Variants in EFHD1 observed in about 807,000 individuals in gnomAD.
The protein encoded by EFHD1 is EF-hand domain-containing protein D1.
In EFHD1, 10 loss-of-function variants were observed where a neutral mutation model predicts 17.2. That is an observed-to-expected ratio of 0.58 (90% CI 0.36 to 0.99). The LOEUF is 0.99. Ranked by LOEUF, EFHD1 falls within the 50% of genes least tolerant of loss-of-function variation. EFHD1 has a pLI of 0.01. For missense variants in EFHD1, 310 were observed against 327.5 expected (o/e 0.95, Z 0.41); for synonymous variants, 153 against 142.0 (o/e 1.08, Z -0.55).
intron 3 of EFHD1, among the ~76,000 whole-genome samples, chr2:232,675,246 G>GAAAGAAAAGAAAAGAAAAGA (rs71056291): frequency 6.7e-6 from 1 of 149,284 alleles, no homozygotes; most frequent in African/African-American, 2.5e-5. Context: ...AGAAAGAAAA[G>GAAAGAAAAGAAAAGAAAAGA]AAAGAAAAGA....
chr2:232,671,458 G>A (rs891447104), intron 2 of EFHD1, among the ~76,000 whole-genome samples: 2 of 151,846 alleles, frequency 1.3e-5, no homozygotes, highest in Non-Finnish European at 2.9e-5. Context: ...GGGTGCAGTG[G>A]CTCACACCTG....
At chr2:232,640,014 A>G (rs1269545399) in intron 1 of EFHD1, among the ~76,000 whole-genome samples, 1 of 152,070 alleles carries the variant, frequency 6.6e-6, no homozygotes, top group Non-Finnish European at 1.5e-5. Context: ...ACACCCCTCT[A>G]TAGCCTCCTC....
At chr2:232,631,264 CTCTCTCTCTCTCTCTCTTTCTT>C (rs1396780576), upstream of EFHD1, among the ~76,000 whole-genome samples, 3 of 149,808 alleles carry the variant, frequency 2.0e-5, no homozygotes, top group African/African-American at 7.3e-5. Context: ...TGCAAAGTTT[CTCTCTCTCTCTCTCTCTTTCTT>C]TCTCTCTCTC....
At chr2:232,628,118 T>G (rs1407836161) in intron 1 of EFHD1, among the ~76,000 whole-genome samples, 2 of 152,340 alleles carry the variant, frequency 1.3e-5, no homozygotes, top group East Asian at 3.9e-4. Flanking sequence ...TGGAGTACAG[T>G]GACGTGATCT....
chr2:232,619,188 T>TAAATAAAC (rs1393230937), intron 1 of EFHD1, among the ~76,000 whole-genome samples: 14 of 97,908 alleles, frequency 1.4e-4, no homozygotes, highest in South Asian at 5.4e-4. Context: ...AATAAATAAA[T>TAAATAAAC]AAACAAACAA....
intron 1 of EFHD1, among the ~76,000 whole-genome samples, chr2:232,651,771 G>T (rs1249864858): frequency 1.3e-5 from 2 of 152,200 alleles, no homozygotes; most frequent in African/African-American, 4.8e-5. Flanking sequence ...GTAGTGAGCC[G>T]AGATTGCGCC....
intron 1 of EFHD1, among the ~76,000 whole-genome samples, chr2:232,640,178 GCCAA>G (rs1191420090): frequency 6.6e-6 from 1 of 152,190 alleles, no homozygotes; most frequent in East Asian, 1.9e-4. Flanking sequence ...TCAATGACCT[GCCAA>G]GACATGGCCT....
intron 1 of EFHD1, among the ~76,000 whole-genome samples, chr2:232,613,256 T>C (rs2106182086): frequency 6.6e-6 from 1 of 151,828 alleles, no homozygotes; most frequent in Non-Finnish European, 1.5e-5. Context: ...AAATCCTGTC[T>C]CTACTAAAAA....
At chr2:232,651,102 GC>G (rs1219285429) in intron 1 of EFHD1, among the ~76,000 whole-genome samples, 1 of 152,110 alleles carries the variant, frequency 6.6e-6, no homozygotes, top group Non-Finnish European at 1.5e-5. Flanking sequence ...GAGAAAGCAG[GC>G]CCCGGTCAGT....
intron 1 of EFHD1, among the ~76,000 whole-genome samples, chr2:232,659,177 T>C (rs1457121025): frequency 6.6e-6 from 1 of 152,064 alleles, no homozygotes; most frequent in Non-Finnish European, 1.5e-5. Flanking sequence ...CACCCAGCGA[T>C]CTTGTCTGTG....
At chr2:232,647,811 A>G (rs967875344) in intron 1 of EFHD1, among the ~76,000 whole-genome samples, 1 of 151,858 alleles carries the variant, frequency 6.6e-6, no homozygotes, top group East Asian at 1.9e-4. Flanking sequence ...TAATTTTTGT[A>G]TTTTTAGTAG....
intron 1 of EFHD1, among the ~76,000 whole-genome samples, chr2:232,655,802 CTTTTTTTTTTT>C (rs66762860): frequency 0.48 from 63,830 of 133,552 alleles, 15,018 homozygotes; most frequent in South Asian, 0.59. Flanking sequence ...TGTGTGGGGT[CTTTTTTTTTTT>C]TTTTTTTTTT....
intron 2 of EFHD1, among the ~76,000 whole-genome samples, chr2:232,669,544 A>G (rs1481552713): frequency 6.6e-6 from 1 of 151,480 alleles, no homozygotes; most frequent in African/African-American, 2.4e-5. Context: ...GAAGGCCTGT[A>G]GAAGTTGCTT....
chr2:232,635,340 G>C (rs1344591190), intron 1 of EFHD1, among the ~76,000 whole-genome samples: 7 of 152,004 alleles, frequency 4.6e-5, no homozygotes, highest in Admixed American at 4.6e-4. Context: ...TCTTGGGGAG[G>C]GACCTTTATC....
chr2:232,663,802 A>G (rs1000238959), intron 2 of EFHD1, among the ~76,000 whole-genome samples: 13 of 151,706 alleles, frequency 8.6e-5, no homozygotes, highest in Admixed American at 6.6e-4. Flanking sequence ...GAAATATACA[A>G]TAATGCGTCT....
In EFHD1 at chr2:232,649,866, A is replaced by G. The variant is rs549699267; in HGVS notation, c.303-12936A>G. The G allele has an allele frequency of 5.9e-5, 9 of 152,290 alleles. No homozygotes were observed. The South Asian group carries it at 1.5e-3, about 25-fold the overall frequency. The allele number at this position is 152,290 out of a possible 1,614,324, so 9.4% of individuals were successfully genotyped here. On this transcript the variant is annotated intron_variant, in intron 1 of 3. Coordinates refer to ENST00000264059, the MANE Select transcript of EFHD1 (RefSeq NM_025202.4). ...TGAAAGGGACTGAGCGTGGTGATAC[A>G]TGCCTGGAGTTCCAGCCACTTAGGA...
intron 2 of EFHD1, among the ~76,000 whole-genome samples, chr2:232,666,272 G>A (rs779600551): frequency 2.0e-5 from 3 of 152,248 alleles, no homozygotes; most frequent in Non-Finnish European, 4.4e-5. Context: ...TTTGCTGGAT[G>A]TGGGCTGTGG....
chr2:232,662,211 C>G (rs977181954), intron 1 of EFHD1, among the ~76,000 whole-genome samples: 1 of 152,070 alleles, frequency 6.6e-6, no homozygotes, highest in Non-Finnish European at 1.5e-5. Context: ...AGTCAGAGCC[C>G]TCTTGGTAGA....
intron 1 of EFHD1, among the ~76,000 whole-genome samples, chr2:232,645,658 T>C (rs1012859052): frequency 5.9e-5 from 9 of 152,146 alleles, no homozygotes; most frequent in Non-Finnish European, 1.0e-4. Flanking sequence ...TCATGGATCA[T>C]TGGGTATCCC....
Sources: gnomAD v4.1 joint callset for allele counts (sites outside exome capture counted in the v4.1 genomes callset) on GRCh38, gnomAD v4.1.1 for gene constraint, MANE v1.5 for transcripts, NCBI Gene and HGNC (gene_info 2026-07-23, HGNC 2026-07-21) for gene names.